Variants in PDCD5 observed in about 807,000 individuals in gnomAD.
The protein encoded by PDCD5 is programmed cell death 5.
A neutral mutation model predicts 21.9 loss-of-function variants in PDCD5; 23 were observed. The observed-to-expected ratio is 1.05, with a 90% confidence interval of 0.76 to 1.49. The LOEUF is 1.49. Ranked by LOEUF, PDCD5 falls within the 40% of genes most tolerant of loss-of-function variation. PDCD5 has a pLI of 0.00. For missense variants in PDCD5, 152 were observed against 147.7 expected, an observed-to-expected ratio of 1.03 and a Z score of -0.15; for synonymous variants, 45 against 49.4, an observed-to-expected ratio of 0.91 and a Z score of 0.37.
intron 2 of PDCD5, 116 bp from the exon 3 acceptor site, chr19:32,584,834 T>C (rs1971460766): frequency 5.0e-6 from 4 of 792,914 alleles, no homozygotes; most frequent in Non-Finnish European, 9.1e-6. Flanking sequence ...CATAATGCAG[T>C]TTGTATACCG....
chr19:32,582,171 T>G, intron 1 of PDCD5, 24 bp from the exon 2 acceptor site: 1 of 1,595,208 alleles, frequency 6.3e-7, no homozygotes, highest in East Asian at 2.2e-5. Context: ...ATTTCTCTAT[T>G]AAATTTAAGT....
intron 4 of PDCD5, chr19:32,586,127 T>G (rs1258447281): frequency 1.3e-6 from 2 of 1,508,882 alleles, no homozygotes; most frequent in African/African-American, 1.4e-5. Flanking sequence ...ACCTTGTTGG[T>G]GTCTGTGACC....
In PDCD5 at chr19:32,586,477, T is replaced by TA. The variant is rs1292768808; in HGVS notation, c.259-380dup. On this transcript the variant is annotated intron_variant, in intron 4 of 5. Coordinates refer to ENST00000590247, the MANE Select transcript of PDCD5 (RefSeq NM_004708.4). ...GGGTTGATCTTTTCCGAGTGTGACT[T>TA]ACCTCCTTCAAGGGGATGTTTAAGC... is the stretch of plus-strand genomic sequence containing the variant. The TA allele has an allele frequency of 1.3e-5, 14 of 1,102,484 alleles. No homozygotes were observed. The East Asian group carries it at 9.2e-4, about 73-fold the overall frequency. The allele number at this position is 1,102,484 out of a possible 1,614,324, so 68.3% of individuals were successfully genotyped here. A position where few individuals can be genotyped will look rare whatever the true frequency, so the allele number is the denominator to read the frequency against.
intron 4 of PDCD5, chr19:32,586,546 G>A (rs1041930091): frequency 2.5e-5 from 28 of 1,118,720 alleles, no homozygotes; most frequent in Admixed American, 1.9e-4. Context: ...ACCAAACACC[G>A]TGGTATATGT....
chr19:32,585,067 G>T, intron 3 of PDCD5, 56 bp downstream of exon 3: 1 of 1,164,300 alleles, frequency 8.6e-7, no homozygotes, highest in Non-Finnish European at 1.3e-6. Context: ...TGAATGGGGT[G>T]ATTAGATACC....
chr19:32,583,728 G>A (rs1412671532), intron 2 of PDCD5, among the ~76,000 whole-genome samples: 3 of 152,042 alleles, frequency 2.0e-5, no homozygotes, highest in Non-Finnish European at 4.4e-5. Context: ...TCAGGAGGCC[G>A]AGGGGGAAGA....
At chr19:32,582,080 G>A (rs771657171) in intron 1 of PDCD5, 115 bp from the exon 2 acceptor site, 7 of 714,542 alleles carry the variant, frequency 9.8e-6, no homozygotes, top group Admixed American at 5.3e-5. Flanking sequence ...TCTTATTTGG[G>A]GAGTTGTTTC....
intron 3 of PDCD5, among the ~76,000 whole-genome samples, 184 bp from the exon 4 acceptor site, chr19:32,585,632 T>C (rs1971468674): frequency 6.6e-6 from 1 of 152,190 alleles, no homozygotes; most frequent in Non-Finnish European, 1.5e-5. Flanking sequence ...CATGTGCCCA[T>C]GTGGAGATTG....
At position 32,581,330 on chromosome 19, in the gene PDCD5, G is replaced by A; in HGVS notation, c.66+3G>A. The A allele has an allele frequency of 6.6e-7, 1 of 1,507,690 alleles. No individual in the cohort carries two copies. Among genetic ancestry groups the A allele is most frequent in the South Asian group, 1.2e-5 (1 of 80,192 alleles). 93.4% of individuals were successfully genotyped at this position (1,507,690 alleles called of 1,614,324 possible). A position where few individuals can be genotyped will look rare whatever the true frequency, so the allele number is the denominator to read the frequency against. On this transcript the variant is annotated splice_donor_region_variant and intron_variant, in intron 1 of 5. Transcript: ENST00000590247. ...CCGAGCTGCAGGCCAAACACGGGGT[G>A]AGCGCATCAGCCCCCGCCAGGCTTG...
At chr19:32,586,074 C>T in intron 4 of PDCD5, 167 bp downstream of exon 4, 1 of 1,548,490 alleles carries the variant, frequency 6.5e-7, no homozygotes, top group Admixed American at 2.0e-5. Context: ...AATTGCCTTT[C>T]CTAAATTCCT....
In PDCD5 at chr19:32,584,075, A is replaced by T. The variant is rs1279309263; in HGVS notation, c.105-875A>T. Among the ~76,000 whole-genome samples, 3 of 151,716 alleles carry T rather than the reference A, an allele frequency of 2.0e-5. No homozygotes were observed. The East Asian group carries it at 5.9e-4, about 30-fold the overall frequency. On this transcript the variant is annotated intron_variant, in intron 2 of 5. Coordinates refer to ENST00000590247, the MANE Select transcript of PDCD5 (RefSeq NM_004708.4). ...TCAAACTCCTGACCTCAAGTGATCC[A>T]CCCACCTCAGCCTCCCAAAGTGCTG...
intron 4 of PDCD5, chr19:32,586,177 A>G (rs1971474521): frequency 2.1e-6 from 3 of 1,451,636 alleles, no homozygotes; most frequent in Admixed American, 2.7e-5. Flanking sequence ...TTGCCCCTGC[A>G]CTGGAAGCAA....
chr19:32,585,129 T>G lies in PDCD5; in HGVS notation c.166+118T>G, dbSNP rs572502884. On this transcript the variant is annotated intron_variant, in intron 3 of 5. Transcript: ENST00000590247. The stretch of plus-strand genomic sequence containing the variant: ...TTGCTTAGGCTGAAAACACTTGAGA[T>G]GTGTAAGAAGTGTGAAGTTTATAAA... 611 of 789,212 alleles carry G rather than the reference T, an allele frequency of 7.7e-4. 3 individuals are homozygous for G. Among genetic ancestry groups the G allele is most frequent in the Middle Eastern group, 2.3e-3 (10 of 4,390 alleles). 48.9% of individuals were successfully genotyped at this position (789,212 alleles called of 1,614,324 possible).
At position 32,584,933 on chromosome 19, in the gene PDCD5, CTATGTTT is replaced by C. The variant is rs759627658; in HGVS notation, c.105-15_105-9del. On this transcript the variant is annotated splice_polypyrimidine_tract_variant and intron_variant, in intron 2 of 5. Coordinates refer to ENST00000590247, the MANE Select transcript of PDCD5 (RefSeq NM_004708.4). ...CAGCTGTGTTTTAATTGTGTTTGACCTATGTTTTCGTTGTAGGGAAGCAGAAATGAGA... is the reference window on the plus strand; with the variant it reads ...CAGCTGTGTTTTAATTGTGTTTGACCTCGTTGTAGGGAAGCAGAAATGAGA... 4.4e-6 allele frequency: 7 copies of C among 1,607,356 alleles called. No individual in the cohort carries two copies. The highest frequency in any genetic ancestry group is 1.7e-5 in the Admixed American group (1 of 59,986).
At chr19:32,585,531 T>C (rs1408999169) in intron 3 of PDCD5, among the ~76,000 whole-genome samples, 1 of 152,206 alleles carries the variant, frequency 6.6e-6, no homozygotes, top group Non-Finnish European at 1.5e-5. Context: ...ATAAACCGCT[T>C]TCCAGAGGGC....
chr19:32,586,260 A>G (rs1476991702), intron 4 of PDCD5: 1 of 1,425,752 alleles, frequency 7.0e-7, no homozygotes, highest in African/African-American at 1.4e-5. Flanking sequence ...AGAAGGTGCT[A>G]AGATGCCTTG....
Position 32,587,075 on chromosome 19 carries a change from C to T in PDCD5, c.330+146C>T, listed in dbSNP as rs1473062444. The T allele has an allele frequency of 4.7e-6, 4 of 842,452 alleles. No homozygotes were observed. The East Asian group carries it at 1.0e-4, about 21-fold the overall frequency. The allele number at this position is 842,452 out of a possible 1,614,324, so 52.2% of individuals were successfully genotyped here. A position where few individuals can be genotyped will look rare whatever the true frequency, so the allele number is the denominator to read the frequency against. On this transcript the variant is annotated intron_variant, in intron 5 of 5. Coordinates refer to ENST00000590247, the MANE Select transcript of PDCD5 (RefSeq NM_004708.4). ...GAAAGTTTGGGGAGAAAGGCTGAATCTGTTGGGGGAGGGTTCTAATTTTTA... is the reference window on the plus strand; with the variant it reads ...GAAAGTTTGGGGAGAAAGGCTGAATTTGTTGGGGGAGGGTTCTAATTTTTA...
rs1447704255 is a variant in PDCD5, at chr19:32,581,269, A to G, written c.8A>G (p.Asp3Gly). 6.6e-7 allele frequency: 1 copy of G among 1,523,270 alleles called. No homozygotes were observed. The highest frequency in any genetic ancestry group is 1.2e-5 in the South Asian group (1 of 81,422). 94.4% of individuals were successfully genotyped at this position (1,523,270 alleles called of 1,614,324 possible). Reference sequence around the variant, plus strand: ...CAGCGCTGACGCCGAGCCATGGCGGACGAGGAGCTTGAGGCGCTGAGGAGA... The same window carrying G: ...CAGCGCTGACGCCGAGCCATGGCGGGCGAGGAGCTTGAGGCGCTGAGGAGA... MA[D>G]EELEALRRQR... is the part of the protein sequence containing the mutation. Residue 3 changes from aspartate to glycine, a missense_variant, in exon 1 of 6, where the codon GAC becomes GGC. Physicochemically the swap from Asp to Gly is moderately conservative, Grantham distance 94. Transcript: ENST00000590247.
chr19:32,583,291 A>G (rs1971446341), intron 2 of PDCD5, among the ~76,000 whole-genome samples: 1 of 151,936 alleles, frequency 6.6e-6, no homozygotes, highest in Non-Finnish European at 1.5e-5. Flanking sequence ...ATATTTATTT[A>G]TTCTTTACTT....
Sources: allele counts gnomAD v4.1 joint callset (sites outside exome capture counted in the v4.1 genomes callset), GRCh38; gene constraint gnomAD v4.1.1; transcripts MANE v1.5; gene names NCBI Gene and HGNC (gene_info 2026-07-23, HGNC 2026-07-21).